Variants in SLC24A2 observed in about 807,000 individuals in gnomAD.
SLC24A2 encodes sodium/potassium/calcium exchanger 2.
Under a neutral mutation model 62.0 loss-of-function variants are expected in SLC24A2, and 36 were observed. That is an observed-to-expected ratio of 0.58 (90% CI 0.44 to 0.77). SLC24A2 has a LOEUF of 0.77. SLC24A2 is among the 30% of genes least tolerant of loss of function. The pLI is 0.00. For missense variants in SLC24A2, 846 were observed against 817.9 expected, an observed-to-expected ratio of 1.03 and a Z score of -0.42; for synonymous variants, 358 against 294.0, an observed-to-expected ratio of 1.22 and a Z score of -2.23.
the SLC24A2 span, among the ~76,000 whole-genome samples, chr9:19,989,235 G>T: frequency 6.6e-6 from 1 of 152,110 alleles, no homozygotes; most frequent in Non-Finnish European, 1.5e-5. Flanking sequence ...ATGAGCTCCA[G>T]AATCATTAGA....
intron 6 of SLC24A2, among the ~76,000 whole-genome samples, chr9:19,576,201 T>C (rs1836003718): frequency 6.6e-6 from 1 of 152,196 alleles, no homozygotes; most frequent in African/African-American, 2.4e-5. Flanking sequence ...TTTAGTTACT[T>C]GGGTAATAGC....
the SLC24A2 span, among the ~76,000 whole-genome samples, chr9:20,273,586 C>A: frequency 7.9e-3 from 1,196 of 152,296 alleles, 7 homozygotes; most frequent in Non-Finnish European, 0.011. Flanking sequence ...CAAGCTCTCT[C>A]TTTGCCTGCT....
At chr9:19,801,030 A>G in the SLC24A2 span, among the ~76,000 whole-genome samples, 1 of 152,324 alleles carries the variant, frequency 6.6e-6, no homozygotes, top group South Asian at 2.1e-4. Flanking sequence ...GTCCATAGCA[A>G]AAGTATTGTT....
At chr9:19,762,731 G>A (rs1371572606) in intron 2 of SLC24A2, among the ~76,000 whole-genome samples, 1 of 149,702 alleles carries the variant, frequency 6.7e-6, no homozygotes, top group Non-Finnish European at 1.5e-5. Flanking sequence ...ATAGTTTGAA[G>A]TCAGGTAGCT....
chr9:20,258,434 A>G, the SLC24A2 span, among the ~76,000 whole-genome samples: 5 of 152,172 alleles, frequency 3.3e-5, no homozygotes, highest in African/African-American at 1.2e-4. Flanking sequence ...AGTGAGGAAG[A>G]TCCACCCTCA....
chr9:19,889,825 C>T, the SLC24A2 span, among the ~76,000 whole-genome samples: 1 of 152,166 alleles, frequency 6.6e-6, no homozygotes, highest in Non-Finnish European at 1.5e-5. Flanking sequence ...CCACGTGGAC[C>T]ATTTACACTT....
chr9:19,579,364 A>G (rs1321847746), intron 5 of SLC24A2, among the ~76,000 whole-genome samples: 17 of 152,194 alleles, frequency 1.1e-4, no homozygotes, highest in Admixed American at 1.1e-3. Flanking sequence ...AGATAAACAG[A>G]TAATAAGAGT....
At chr9:19,545,807 T>G (rs1339636806) in intron 8 of SLC24A2, among the ~76,000 whole-genome samples, 10 of 152,002 alleles carry the variant, frequency 6.6e-5, no homozygotes, top group African/African-American at 1.7e-4. Flanking sequence ...CCTGCCTAAT[T>G]TTTTGTGTTT....
At chr9:20,079,613 G>A in the SLC24A2 span, among the ~76,000 whole-genome samples, 1 of 152,170 alleles carries the variant, frequency 6.6e-6, no homozygotes, top group Non-Finnish European at 1.5e-5. Context: ...AACAATGACA[G>A]CAGTATACAT....
chr9:19,549,253 T>C (rs1021640791), intron 8 of SLC24A2, among the ~76,000 whole-genome samples: 1 of 152,232 alleles, frequency 6.6e-6, no homozygotes, highest in Non-Finnish European at 1.5e-5. Flanking sequence ...GTTGCCCTTC[T>C]TACCTTCTCA....
At chr9:20,094,677 T>C in the SLC24A2 span, among the ~76,000 whole-genome samples, 1 of 152,152 alleles carries the variant, frequency 6.6e-6, no homozygotes, top group Admixed American at 6.5e-5. Context: ...TCAGGAAAAG[T>C]GTAAAAATTC....
At chr9:19,855,567 T>C in the SLC24A2 span, among the ~76,000 whole-genome samples, 516 of 152,356 alleles carry the variant, frequency 3.4e-3, 1 homozygote, top group African/African-American at 0.012. Flanking sequence ...TGGCCAGATA[T>C]GAAATTCTGG....
chr9:19,606,625 C>T (rs1587025736), intron 4 of SLC24A2, among the ~76,000 whole-genome samples: 2 of 152,204 alleles, frequency 1.3e-5, no homozygotes, highest in South Asian at 4.1e-4. Context: ...AAATATGTTT[C>T]GTAAATGAAT....
chr9:19,991,729 G>T, the SLC24A2 span, among the ~76,000 whole-genome samples: 2 of 152,184 alleles, frequency 1.3e-5, no homozygotes, highest in African/African-American at 4.8e-5. Context: ...TGGGGAGACA[G>T]GAGAGGTTTT....
the SLC24A2 span, among the ~76,000 whole-genome samples, chr9:19,972,084 T>G: frequency 2.0e-5 from 3 of 152,074 alleles, no homozygotes; most frequent in African/African-American, 7.2e-5. Flanking sequence ...GACGAGGACT[T>G]TATACTTTGT....
the SLC24A2 span, among the ~76,000 whole-genome samples, chr9:20,212,987 A>G: frequency 2.6e-5 from 4 of 151,748 alleles, no homozygotes; most frequent in South Asian, 2.1e-4. Context: ...ACATAGACAC[A>G]GGGACGGGAA....
the SLC24A2 span, among the ~76,000 whole-genome samples, chr9:20,171,366 A>G: frequency 1.3e-5 from 2 of 152,084 alleles, no homozygotes; most frequent in East Asian, 3.9e-4. Flanking sequence ...CCTCACATAT[A>G]AATACTAAAG....
At chr9:19,705,210 G>T (rs997804034) in intron 2 of SLC24A2, 3 of 152,128 alleles carry the variant, frequency 2.0e-5, no homozygotes, top group Non-Finnish European at 2.9e-5. Flanking sequence ...TGCAAATAAT[G>T]ATTAAATGAC....
chr9:19,565,288 T>C (rs989245456), intron 7 of SLC24A2, among the ~76,000 whole-genome samples: 7 of 149,494 alleles, frequency 4.7e-5, no homozygotes, highest in African/African-American at 1.7e-4. Flanking sequence ...AAAATCAATG[T>C]GCAAAAATCA....
Sources: gnomAD v4.1 joint callset for allele counts (sites outside exome capture counted in the v4.1 genomes callset) on GRCh38, gnomAD v4.1.1 for gene constraint, MANE v1.5 for transcripts, NCBI Gene and HGNC (gene_info 2026-07-23, HGNC 2026-07-21) for gene names.